SLC25A27: variants seen among roughly 807,000 people sequenced by gnomAD.
SLC25A27 encodes solute carrier family 25 member 27.
A neutral mutation model predicts 49.1 loss-of-function variants in SLC25A27; 35 were observed. The observed-to-expected ratio is 0.71, with a 90% confidence interval of 0.54 to 0.95. The LOEUF (loss-of-function observed/expected upper bound fraction) is 0.95, where lower values mean the gene tolerates loss of function less well. SLC25A27 is among the 40% of genes least tolerant of loss of function. The pLI is 0.00. For missense variants in SLC25A27, 339 were observed against 397.1 expected (o/e 0.85, Z 1.24); for synonymous variants, 144 against 136.9 (o/e 1.05, Z -0.36).
At chr6:46,665,703 G>A (rs1763304619) in intron 5 of SLC25A27, among the ~76,000 whole-genome samples, 1 of 151,894 alleles carries the variant, frequency 6.6e-6, no homozygotes, top group South Asian at 2.1e-4. Context: ...AAAAAAAGAA[G>A]TTTTTCCCCT....
At chr6:46,657,519 G>A (rs1763024636) in intron 2 of SLC25A27, among the ~76,000 whole-genome samples, 1 of 152,000 alleles carries the variant, frequency 6.6e-6, no homozygotes, top group African/African-American at 2.4e-5. Flanking sequence ...AGGAAATATG[G>A]CAAAAATGTT....
chr6:46,670,222 A>G lies in SLC25A27; in HGVS notation c.792A>G (p.Gln264=). The part of the protein sequence containing the change: ...SRIMNQPRDK[Q]GRGLLYKSST... Reference sequence around the variant, plus strand: ...TAATGAATCAACCACGAGATAAACAAGGAAGGTAGATAAAAAGTCTTCAGT... The same window carrying G: ...TAATGAATCAACCACGAGATAAACAGGGAAGGTAGATAAAAAGTCTTCAGT... Residue 264 remains glutamine, a synonymous_variant, in exon 7 of 9, where the codon CAA becomes CAG. Transcript: ENST00000371347. 1 of 1,609,428 alleles carries G rather than the reference A, an allele frequency of 6.2e-7. No individual in the cohort carries two copies. The highest frequency in any genetic ancestry group is 1.3e-5 in the African/African-American group (1 of 74,936).
intron 3 of SLC25A27, among the ~76,000 whole-genome samples, chr6:46,661,121 A>G (rs1413774815): frequency 1.3e-5 from 2 of 152,248 alleles, no homozygotes; most frequent in Non-Finnish European, 2.9e-5. Flanking sequence ...AATTAGAATT[A>G]TGTAAAAAAT....
chr6:46,676,532 T>G lies in SLC25A27; in HGVS notation c.*78T>G, dbSNP rs1763797327. 1.9e-6 allele frequency: 3 copies of G among 1,610,252 alleles called. No homozygotes were observed. The highest frequency in any genetic ancestry group is 1.3e-5 in the African/African-American group (1 of 74,742). On this transcript the variant is annotated 3_prime_UTR_variant, in exon 9 of 9. Coordinates refer to ENST00000371347, the MANE Select transcript of SLC25A27 (RefSeq NM_004277.5). ...GGGCATCTGCAACACATACCCCCTATTATTTCTACCTCTTTAGGAAGACAC... is the reference window on the plus strand; with the variant it reads ...GGGCATCTGCAACACATACCCCCTAGTATTTCTACCTCTTTAGGAAGACAC...
At position 46,671,244 on chromosome 6, in the gene SLC25A27, C is replaced by A. The variant is rs370182265; in HGVS notation, c.900+16C>A. The A allele has an allele frequency of 2.3e-5, 32 of 1,388,244 alleles. No homozygotes were observed. In the African/African-American group the frequency reaches 4.4e-4, roughly 19 times the overall value. 86.0% of individuals were successfully genotyped at this position (1,388,244 alleles called of 1,614,324 possible). ...GCTGAGAATGGTAAAGTTAGGTTTA[C>A]TTCCTTTGTTTTTTTTCTTTGTACT... On this transcript the variant is annotated intron_variant, in intron 8 of 8. Transcript: ENST00000371347.
intron 8 of SLC25A27, among the ~76,000 whole-genome samples, chr6:46,674,798 C>T (rs1310889267): frequency 1.3e-5 from 2 of 152,080 alleles, no homozygotes; most frequent in South Asian, 2.1e-4. Context: ...TAGAAGGTTA[C>T]TTTCTTAACA....
chr6:46,659,047 G>C lies in SLC25A27; in HGVS notation c.383+1G>C, dbSNP rs746916115. 1.9e-6 allele frequency: 3 copies of C among 1,602,874 alleles called. No individual in the cohort carries two copies. The South Asian group carries it at 3.3e-5, about 18-fold the overall frequency. On this transcript the variant is annotated splice_donor_variant, in intron 3 of 8. Transcript: ENST00000371347. LOFTEE classifies it high-confidence loss of function. Reference sequence around the variant, plus strand: ...GTGAAGATGAGCATTATCCCCTTTGGTAAGTTTTGTTTGGAAAATAATATG... The same window carrying C: ...GTGAAGATGAGCATTATCCCCTTTGCTAAGTTTTGTTTGGAAAATAATATG...
intron 8 of SLC25A27, among the ~76,000 whole-genome samples, chr6:46,675,686 T>TA (rs1005918423): frequency 3.9e-5 from 6 of 152,346 alleles, no homozygotes; most frequent in African/African-American, 1.4e-4. Flanking sequence ...TTCCAGTGTT[T>TA]ACCCTGTGAT....
In SLC25A27 at chr6:46,676,457, C is replaced by A. The variant is rs745870247; in HGVS notation, c.*3C>A. The A allele has an allele frequency of 1.9e-6, 3 of 1,613,754 alleles. No individual in the cohort carries two copies. The highest frequency in any genetic ancestry group is 2.2e-5 in the East Asian group (1 of 44,864). ...TGAGTGGAGTCAGTCCATTTTAAAC[C>A]CCTAAAGATGCAACCCTTAAAGATA... is the stretch of plus-strand genomic sequence containing the variant. On this transcript the variant is annotated 3_prime_UTR_variant, in exon 9 of 9. Coordinates refer to ENST00000371347, the MANE Select transcript of SLC25A27 (RefSeq NM_004277.5).
intron 7 of SLC25A27, 39 bp downstream of exon 7, chr6:46,670,266 C>A (rs914072996): frequency 8.1e-7 from 1 of 1,227,960 alleles, no homozygotes; most frequent in Non-Finnish European, 1.2e-6. Flanking sequence ...GCTTGAATAT[C>A]TGTAATACCT....
intron 1 of SLC25A27, among the ~76,000 whole-genome samples, chr6:46,655,535 G>GGTTT (rs1562033662): frequency 3.5e-3 from 37 of 10,710 alleles, no homozygotes; most frequent in Non-Finnish European, 6.9e-3. Flanking sequence ...GTTAATGTTT[G>GGTTT]TTTTTTTTTT....
rs545929093 is a variant in SLC25A27, at chr6:46,674,402, G to A, written c.901-1981G>A. ...AGATCTGTTCCACTCAAAACCCTACGCTCCTTACTGATACAATATACTGAT... is the reference window on the plus strand; with the variant it reads ...AGATCTGTTCCACTCAAAACCCTACACTCCTTACTGATACAATATACTGAT... On this transcript the variant is annotated intron_variant, in intron 8 of 8. Coordinates refer to ENST00000371347, the MANE Select transcript of SLC25A27 (RefSeq NM_004277.5). Among the ~76,000 whole-genome samples the A allele has an allele frequency of 2.6e-5, 4 of 152,164 alleles. No individual in the cohort carries two copies. In the South Asian group the frequency reaches 6.2e-4, roughly 24 times the overall value.
intron 6 of SLC25A27, 26 bp downstream of exon 6, chr6:46,668,819 GT>G (rs374104510): frequency 0.06 from 59,380 of 996,700 alleles, 176 homozygotes; most frequent in Non-Finnish European, 0.065. Flanking sequence ...GTTGGACTCT[GT>G]TTTTTTTTTT....
rs140354056 is a variant in SLC25A27 at position 46,660,230 on chromosome 6, C to CTGTG, written c.383+1204_383+1207dup. On this transcript the variant is annotated intron_variant, in intron 3 of 8. Coordinates refer to ENST00000371347, the MANE Select transcript of SLC25A27 (RefSeq NM_004277.5). ...ACCAAACTGTTCTTCACCTCTGTGT[C>CTGTG]TGTGTGTGTGTGTGTGTGTGTGTAT... Among the ~76,000 whole-genome samples, 18 of 147,412 alleles carry CTGTG rather than the reference C, an allele frequency of 1.2e-4. 1 individual carries two copies. Among genetic ancestry groups the CTGTG allele is most frequent in the South Asian group, 2.2e-4 (1 of 4,562 alleles).
intron 3 of SLC25A27, 67 bp downstream of exon 3, chr6:46,659,113 A>G (rs1481358268): frequency 5.8e-6 from 6 of 1,027,750 alleles, no homozygotes; most frequent in Admixed American, 2.1e-5. Flanking sequence ...GGTTTATGTA[A>G]AATTGTACAT....
At chr6:46,670,435 TA>T in intron 7 of SLC25A27, 1 of 494,722 alleles carries the variant, frequency 2.0e-6, no homozygotes, top group Admixed American at 4.1e-5. Context: ...TCATATTATT[TA>T]GACACAAGAT....
At position 46,675,210 on chromosome 6, in the gene SLC25A27, G is replaced by T. The variant is rs372231998; in HGVS notation, c.901-1173G>T. ...CCTTGCTTTGCTCAGTCCCTGGTTA[G>T]TACTTATTTCATTTGCCTATGGATT... On this transcript the variant is annotated intron_variant, in intron 8 of 8. Coordinates refer to ENST00000371347, the MANE Select transcript of SLC25A27 (RefSeq NM_004277.5). Among the ~76,000 whole-genome samples, 6 of 152,268 alleles carry T rather than the reference G, an allele frequency of 3.9e-5. No homozygotes were observed. The East Asian group carries it at 5.8e-4, about 15-fold the overall frequency.
intron 8 of SLC25A27, among the ~76,000 whole-genome samples, chr6:46,674,220 C>G (rs1582519980): frequency 6.6e-6 from 1 of 152,240 alleles, no homozygotes; most frequent in African/African-American, 2.4e-5. Context: ...TTAATACGTG[C>G]AAAGCTCTAC....
At position 46,673,064 on chromosome 6, in the gene SLC25A27, C is replaced by T. The variant is rs74887700; in HGVS notation, c.900+1836C>T. 6.5e-3 allele frequency among the ~76,000 whole-genome samples: 990 copies of T among 152,246 alleles called. 50 individuals are homozygous for T. The East Asian group carries it at 0.11, about 17-fold the overall frequency. ...AAATTTTGATTTGGCCTGCATAAACCAGGCACTGTTATAAGTGCTGGTAAC... is the reference window on the plus strand; with the variant it reads ...AAATTTTGATTTGGCCTGCATAAACTAGGCACTGTTATAAGTGCTGGTAAC... On this transcript the variant is annotated intron_variant, in intron 8 of 8. Transcript: ENST00000371347.
Sources: allele counts gnomAD v4.1 joint callset (sites outside exome capture counted in the v4.1 genomes callset), GRCh38; gene constraint gnomAD v4.1.1; transcripts MANE v1.5; gene names NCBI Gene and HGNC (gene_info 2026-07-23, HGNC 2026-07-21).